Variants in PASK observed in about 807,000 individuals in gnomAD.
The protein encoded by PASK is PAS domain containing serine/threonine kinase.
Under a neutral mutation model 121.0 loss-of-function variants are expected in PASK, and 110 were observed. That is an observed-to-expected ratio of 0.91 (90% CI 0.78 to 1.06). PASK has a LOEUF of 1.06. PASK is among the 50% of genes least tolerant of loss of function. The probability of loss-of-function intolerance (pLI) is 0.00; values close to 1 mark genes in which losing one functional copy is unlikely to be tolerated. For synonymous variants in PASK, 686 were observed against 717.8 expected (o/e 0.96, Z 0.71); for missense variants, 1,643 against 1,702.3 (o/e 0.97, Z 0.61).
At chr2:241,125,989 C>T (rs2065841212) in intron 10 of PASK, among the ~76,000 whole-genome samples, 1 of 152,200 alleles carries the variant, frequency 6.6e-6, no homozygotes, top group Admixed American at 6.5e-5. Context: ...TGGCCTGGGA[C>T]CTTGGGCGCC....
chr2:241,139,058 G>A (rs916030947), intron 4 of PASK, among the ~76,000 whole-genome samples: 4 of 152,210 alleles, frequency 2.6e-5, no homozygotes, highest in African/African-American at 9.6e-5. Flanking sequence ...AGCAGTATCT[G>A]TTATTTCTTA....
intron 4 of PASK, 97 bp downstream of exon 4, chr2:241,139,788 A>G (rs1256951684): frequency 1.1e-5 from 13 of 1,187,542 alleles, no homozygotes; most frequent in Non-Finnish European, 1.4e-5. Flanking sequence ...GTGCCACCCA[A>G]CCCCCAGCAG....
chr2:241,149,581 C>A, upstream of PASK: 2 of 1,442,232 alleles, frequency 1.4e-6, no homozygotes, highest in East Asian at 2.5e-5. Context: ...GTCTAGAAGC[C>A]CGCGCTAAGG....
chr2:241,149,817 G>A, upstream of PASK: 2 of 1,530,080 alleles, frequency 1.3e-6, no homozygotes, highest in Non-Finnish European at 1.7e-6. Flanking sequence ...AGGCTGCAGC[G>A]TCCGCACTGG....
At chr2:241,145,367 T>C (rs1318494216) in intron 1 of PASK, among the ~76,000 whole-genome samples, 1 of 152,032 alleles carries the variant, frequency 6.6e-6, no homozygotes, top group Non-Finnish European at 1.5e-5. Flanking sequence ...CCTGCACCTA[T>C]AGTCCGAGCC....
At chr2:241,129,316 G>A (rs59331134) in intron 9 of PASK, among the ~76,000 whole-genome samples, 5,489 of 152,202 alleles carry the variant, frequency 0.036, 333 homozygotes, top group African/African-American at 0.13. Context: ...CTCAGTACCC[G>A]TTCTCTCCAC....
intron 15 of PASK, among the ~76,000 whole-genome samples, chr2:241,111,964 G>T (rs1316308436): frequency 6.6e-6 from 1 of 152,110 alleles, no homozygotes; most frequent in Non-Finnish European, 1.5e-5. Context: ...CATTTTGGGG[G>T]ACTCTTCAAT....
chr2:241,132,536 A>T lies in PASK; in HGVS notation c.1463+338T>A, dbSNP rs1422182248. 5.2e-4 allele frequency among the ~76,000 whole-genome samples: 77 copies of T among 148,148 alleles called. 1 individual carries two copies. The highest frequency in any genetic ancestry group is 3.7e-3 in the East Asian group (19 of 5,088). On this transcript the variant is annotated intron_variant, in intron 9 of 17. Transcript: ENST00000234040. ...ACAGCGAGACTCTGTCTAAAAAAAA[A>T]AAAAAAAAAAAAAAAAAAGAAAATG... is the stretch of plus-strand genomic sequence containing the variant.
chr2:241,143,050 A>G lies in PASK; in HGVS notation c.-18T>C. ...TCCTCCATGGGAAGAAGGGAGGCCA[A>G]CTGCCAAGCTTCCAACTCTAACAAC... is the stretch of plus-strand genomic sequence containing the variant. On this transcript the variant is annotated 5_prime_UTR_variant, in exon 2 of 18. Transcript: ENST00000234040. The G allele has an allele frequency of 1.9e-6, 3 of 1,595,844 alleles. No individual in the cohort carries two copies. Among genetic ancestry groups the G allele is most frequent in the Non-Finnish European group, 2.6e-6 (3 of 1,163,698 alleles).
intron 12 of PASK, among the ~76,000 whole-genome samples, chr2:241,119,465 CTTCT>C (rs1189911647): frequency 3.8e-5 from 5 of 133,324 alleles, no homozygotes; most frequent in Non-Finnish European, 7.5e-5. Flanking sequence ...AAGCAAGATG[CTTCT>C]TTTTTTTTTT....
rs2066778684 is a variant in PASK at position 241,142,988 on chromosome 2, G to C, written c.45C>G (p.Cys15Trp). Reference sequence around the variant, plus strand: ...CTGGCAAGGGGAGGCTCTGGGAAAGGCATCTCTGGTCCTCTTCAAAGGCTG... The same window carrying C: ...CTGGCAAGGGGAGGCTCTGGGAAAGCCATCTCTGGTCCTCTTCAAAGGCTG... ...GLTAFEEDQR[C>W]LSQSLPLPVS... The change falls in exon 2 of 18, where the codon TGC becomes TGG. Residue 15 changes from cysteine (C) to tryptophan (W), a missense_variant. By Grantham distance (215) the Cys-to-Trp change is radical (BLOSUM62 -2). Transcript: ENST00000234040. 6.2e-7 allele frequency: 1 copy of C among 1,613,996 alleles called. No individual in the cohort carries two copies. Among genetic ancestry groups the C allele is most frequent in the Non-Finnish European group, 8.5e-7 (1 of 1,179,956 alleles).
chr2:241,139,501 C>G (rs893746862), intron 4 of PASK: 1 of 485,432 alleles, frequency 2.1e-6, no homozygotes, highest in African/African-American at 2.0e-5. Flanking sequence ...CGCCCGCTCC[C>G]ACAAACACCA....
intron 4 of PASK, among the ~76,000 whole-genome samples, 175 bp from the exon 5 acceptor site, chr2:241,138,969 C>T (rs1575330942): frequency 1.3e-5 from 2 of 152,340 alleles, no homozygotes; most frequent in East Asian, 1.9e-4. Context: ...CCATACTGAA[C>T]ATTAAAATCT....
At chr2:241,124,509 C>T (rs921891432) in intron 10 of PASK, among the ~76,000 whole-genome samples, 8 of 152,242 alleles carry the variant, frequency 5.3e-5, no homozygotes, top group African/African-American at 1.4e-4. Flanking sequence ...GCCCTACACA[C>T]GGTGGGTCTT....
chr2:241,137,708 A>G (rs915618561), intron 6 of PASK, among the ~76,000 whole-genome samples: 3 of 152,208 alleles, frequency 2.0e-5, no homozygotes, highest in Non-Finnish European at 4.4e-5. Flanking sequence ...GCAGCGTCCC[A>G]GCATCCACCT....
rs761668998 is a variant in PASK, at chr2:241,122,908, CAGA to C, written c.2905-12_2905-10del. On this transcript the variant is annotated splice_polypyrimidine_tract_variant and intron_variant, in intron 11 of 17. Transcript: ENST00000234040. The stretch of plus-strand genomic sequence containing the variant: ...GGTCTGGCTCTGAGCACCTGCAATG[CAGA>C]AGAAGGTCTGTGGGGTCACATGCAA... The C allele has an allele frequency of 2.5e-5, 41 of 1,613,298 alleles. No individual in the cohort carries two copies. Among genetic ancestry groups the C allele is most frequent in the Non-Finnish European group, 3.1e-5 (36 of 1,179,508 alleles).
Position 241,126,181 on chromosome 2 carries a change from G to C in PASK, c.2719+15C>G, listed in dbSNP as rs780558098. 6 of 1,613,124 alleles carry C rather than the reference G, an allele frequency of 3.7e-6. No homozygotes were observed. The African/African-American group carries it at 6.7e-5, about 18-fold the overall frequency. ...TGGGAGCACCACACTTCTTCCTATG[G>C]GGCCCGGGACATACTCAGCCGTAAG... is the stretch of plus-strand genomic sequence containing the variant. On this transcript the variant is annotated intron_variant, in intron 10 of 17. Coordinates refer to ENST00000234040, the MANE Select transcript of PASK (RefSeq NM_015148.4).
Position 241,122,715 on chromosome 2 carries a change from C to T in PASK, c.3072+17G>A, listed in dbSNP as rs2302049. 5.6e-6 allele frequency: 9 copies of T among 1,612,922 alleles called. No individual in the cohort carries two copies. The highest frequency in any genetic ancestry group is 1.7e-5 in the Admixed American group (1 of 60,014). On this transcript the variant is annotated intron_variant, in intron 12 of 17. Transcript: ENST00000234040. ...GAAGTGGTGCCCGGCGCCACTCCCC[C>T]CCCACAGCCAGGTTACCTCCTTGTT...
rs760925827 is a variant in PASK at position 241,112,567 on chromosome 2, A to G, written c.3334-128T>C. ...CTCCGACTCATAATGAACTGGGGAC[A>G]GGAAAGATTTTTCAATGCTGAAGAT... On this transcript the variant is annotated intron_variant, in intron 14 of 17. Transcript: ENST00000234040. The surrounding 1 kb of genome is among the most constrained non-coding windows in gnomAD (Gnocchi z 5.2). The G allele has an allele frequency of 9.0e-5, 58 of 647,510 alleles. No homozygotes were observed. Among genetic ancestry groups the G allele is most frequent in the Non-Finnish European group, 1.4e-4 (52 of 378,874 alleles). 40.1% of individuals were successfully genotyped at this position (647,510 alleles called of 1,614,324 possible).
Sources: allele counts gnomAD v4.1 joint callset (sites outside exome capture counted in the v4.1 genomes callset), GRCh38; gene constraint gnomAD v4.1.1; non-coding constraint Gnocchi (gnomAD v3.1); transcripts MANE v1.5; gene names NCBI Gene and HGNC (gene_info 2026-07-23, HGNC 2026-07-21).